The following EIPR1 variants were observed in gnomAD, a reference collection of about 807,000 sequenced individuals.
The protein encoded by EIPR1 is EARP and GARP complex-interacting protein 1.
In EIPR1, 25 loss-of-function variants were observed where a neutral mutation model predicts 48.1. The ratio of observed to expected loss-of-function variants is 0.52; its 90% confidence interval spans 0.38 to 0.73. EIPR1 has a LOEUF of 0.73. Among genes scored for constraint, EIPR1 ranks in the 30% least tolerant of loss-of-function variants. EIPR1 has a pLI of 0.00. For synonymous variants in EIPR1, 204 were observed against 201.9 expected (o/e 1.01, Z -0.09); for missense variants, 415 against 506.2 (o/e 0.82, Z 1.73).
At chr2:3,200,627 T>C (rs1572284315) in intron 5 of EIPR1, among the ~76,000 whole-genome samples, 1 of 148,166 alleles carries the variant, frequency 6.7e-6, no homozygotes, top group African/African-American at 2.5e-5. Flanking sequence ...GGGAAGCCTG[T>C]CCAGAACTGA....
intron 4 of EIPR1, among the ~76,000 whole-genome samples, chr2:3,231,880 A>G (rs1223386548): frequency 6.6e-6 from 1 of 152,202 alleles, no homozygotes; most frequent in Non-Finnish European, 1.5e-5. Context: ...CCTCTTCTTA[A>G]TTTTGTGGAA....
chr2:3,304,199 G>C (rs1021435187), intron 3 of EIPR1, among the ~76,000 whole-genome samples: 2 of 152,220 alleles, frequency 1.3e-5, no homozygotes, highest in African/African-American at 4.8e-5. Context: ...CAAGGCTGCA[G>C]AGATCCAGGG....
chr2:3,377,499 C>G, intron 1 of EIPR1, 149 bp downstream of exon 1: 1 of 1,025,956 alleles, frequency 9.7e-7, no homozygotes, highest in Non-Finnish European at 1.4e-6. Context: ...CCTAAAGCCT[C>G]AGTTTACTTC....
chr2:3,375,756 T>A (rs182754365), intron 1 of EIPR1, among the ~76,000 whole-genome samples: 13 of 152,316 alleles, frequency 8.5e-5, no homozygotes, highest in Non-Finnish European at 1.2e-4. Context: ...TGTCTCTTCA[T>A]CCGTAAAACA....
chr2:3,267,767 G>A (rs1415215898), intron 3 of EIPR1, among the ~76,000 whole-genome samples: 1 of 152,160 alleles, frequency 6.6e-6, no homozygotes, highest in Non-Finnish European at 1.5e-5. Flanking sequence ...GAGTGGTTCT[G>A]CATTTTTAAA....
intron 8 of EIPR1, 135 bp downstream of exon 8, chr2:3,192,279 G>T: frequency 9.1e-7 from 1 of 1,094,122 alleles, no homozygotes; most frequent in Non-Finnish European, 1.2e-6. Context: ...AGTCCCCACA[G>T]CTGCAGTGGG....
Position 3,189,276 on chromosome 2 carries a change from TGA to T in EIPR1, c.*56_*57del. ...TCACCTCCAAAGAGCTGCGACTGTT[TGA>T]GAATCTGCCAAGAGGAAAACCACTC... On this transcript the variant is annotated 3_prime_UTR_variant, in exon 9 of 9. Coordinates refer to ENST00000382125, the MANE Select transcript of EIPR1 (RefSeq NM_003310.5). This position sits in a 1 kb window ranked among gnomAD's most constrained non-coding sequence, Gnocchi z 4.6. 3 of 1,453,560 alleles carry T rather than the reference TGA, an allele frequency of 2.1e-6. No homozygotes were observed. In the Admixed American group the frequency reaches 6.7e-5, roughly 33 times the overall value. The allele number at this position is 1,453,560 out of a possible 1,614,324, so 90.0% of individuals were successfully genotyped here.
intron 3 of EIPR1, among the ~76,000 whole-genome samples, chr2:3,275,326 C>T (rs1667816002): frequency 6.6e-6 from 1 of 152,018 alleles, no homozygotes; most frequent in African/African-American, 2.4e-5. Flanking sequence ...TTCAGAAACA[C>T]AAAAAATTCT....
At chr2:3,240,336 C>T (rs1166665503) in intron 4 of EIPR1, among the ~76,000 whole-genome samples, 1,225 of 149,754 alleles carry the variant, frequency 8.2e-3, no homozygotes, top group Middle Eastern at 0.018. Flanking sequence ...GCCAGCAGAT[C>T]CTTCCTAAAG....
At chr2:3,363,305 G>T (rs1477418677) in intron 1 of EIPR1, among the ~76,000 whole-genome samples, 1 of 151,650 alleles carries the variant, frequency 6.6e-6, no homozygotes, top group Admixed American at 6.6e-5. Context: ...AACACAAACC[G>T]GGAAGTATTG....
In EIPR1 at chr2:3,209,112, A is replaced by G. The variant is rs368525790; in HGVS notation, c.516+5037T>C. 6.8e-4 allele frequency among the ~76,000 whole-genome samples: 104 copies of G among 152,322 alleles called. 1 individual carries two copies. The highest frequency in any genetic ancestry group is 2.4e-3 in the African/African-American group (99 of 41,584). ...CATGTTTCTCTCACTAAGCACAACG[A>G]AAGCCTGGACACTGCACATACAACA... is the stretch of plus-strand genomic sequence containing the variant. On this transcript the variant is annotated intron_variant, in intron 5 of 8. Coordinates refer to ENST00000382125, the MANE Select transcript of EIPR1 (RefSeq NM_003310.5).
intron 1 of EIPR1, among the ~76,000 whole-genome samples, chr2:3,357,509 C>G (rs989516515): frequency 1.3e-5 from 2 of 152,204 alleles, no homozygotes; most frequent in Non-Finnish European, 2.9e-5. Context: ...GGAGTATGCA[C>G]CTGTAACAAC....
chr2:3,306,777 G>C (rs1043752695), intron 3 of EIPR1, among the ~76,000 whole-genome samples: 1 of 152,134 alleles, frequency 6.6e-6, no homozygotes, highest in African/African-American at 2.4e-5. Context: ...TGTTGGTCTT[G>C]CTGCCTCAGG....
intron 5 of EIPR1, among the ~76,000 whole-genome samples, chr2:3,204,983 G>A (rs550375035): frequency 2.0e-4 from 30 of 152,184 alleles, no homozygotes; most frequent in African/African-American, 6.0e-4. Flanking sequence ...CTACATGCAC[G>A]CTGACCAATA....
At chr2:3,214,701 T>A (rs1665571930) in intron 4 of EIPR1, among the ~76,000 whole-genome samples, 2 of 152,198 alleles carry the variant, frequency 1.3e-5, no homozygotes. Context: ...AAGAAAGTGC[T>A]GAATATCTCA....
chr2:3,251,709 A>C (rs1667004634), intron 4 of EIPR1, among the ~76,000 whole-genome samples: 1 of 152,238 alleles, frequency 6.6e-6, no homozygotes, highest in Middle Eastern at 3.2e-3. Flanking sequence ...AAAATGCTTA[A>C]TTCCCATATA....
At chr2:3,238,772 G>A (rs542014703) in intron 4 of EIPR1, among the ~76,000 whole-genome samples, 2 of 152,332 alleles carry the variant, frequency 1.3e-5, no homozygotes, top group Admixed American at 6.5e-5. Context: ...TGCTTTCCAT[G>A]CTGCAAGAGG....
intron 3 of EIPR1, among the ~76,000 whole-genome samples, chr2:3,276,616 A>T (rs1160938215): frequency 6.6e-6 from 1 of 152,252 alleles, no homozygotes; most frequent in Non-Finnish European, 1.5e-5. Context: ...TACTGTGGCC[A>T]GCTCAAGTCC....
intron 3 of EIPR1, among the ~76,000 whole-genome samples, chr2:3,272,454 A>G (rs1487509394): frequency 1.3e-5 from 2 of 152,204 alleles, no homozygotes; most frequent in African/African-American, 4.8e-5. Flanking sequence ...CCTTTCATTG[A>G]ACACTCAGAG....
Sources: allele counts gnomAD v4.1 joint callset (sites outside exome capture counted in the v4.1 genomes callset), GRCh38; gene constraint gnomAD v4.1.1; non-coding constraint Gnocchi (gnomAD v3.1); transcripts MANE v1.5; gene names NCBI Gene and HGNC (gene_info 2026-07-23, HGNC 2026-07-21).